Variants in ELAPOR2 observed in about 807,000 individuals in gnomAD.
The protein encoded by ELAPOR2 is endosome/lysosome-associated apoptosis and autophagy regulator family member 2.
Under a neutral mutation model 120.7 loss-of-function variants are expected in ELAPOR2, and 89 were observed. The observed-to-expected ratio is 0.74, with a 90% CI of 0.62 to 0.88. The LOEUF is 0.88. Ranked by LOEUF, ELAPOR2 falls within the 40% of genes least tolerant of loss-of-function variation. The pLI is 0.00. For synonymous variants in ELAPOR2, 444 were observed against 444.9 expected, an observed-to-expected ratio of 1.00 and a Z score of 0.03; for missense variants, 1,134 against 1,251.6, an observed-to-expected ratio of 0.91 and a Z score of 1.42.
chr7:87,016,327 G>C (rs1407752434), intron 1 of ELAPOR2, among the ~76,000 whole-genome samples: 1 of 151,996 alleles, frequency 6.6e-6, no homozygotes, highest in East Asian at 1.9e-4. Context: ...GGTAGAAATA[G>C]GGATGGACAA....
intron 1 of ELAPOR2, among the ~76,000 whole-genome samples, chr7:86,966,949 C>G (rs1791928648): frequency 6.6e-6 from 1 of 152,096 alleles, no homozygotes; most frequent in Admixed American, 6.6e-5. Context: ...CTCACTTTCT[C>G]AAGATTCTCA....
intron 1 of ELAPOR2, among the ~76,000 whole-genome samples, chr7:87,040,043 G>A (rs555682074): frequency 3.9e-5 from 6 of 152,258 alleles, no homozygotes; most frequent in South Asian, 4.1e-4. Context: ...ACTCCCACTC[G>A]AATACTGCGC....
rs539253413 is a variant in ELAPOR2, at chr7:86,982,652, G to C, written c.190-17628C>G. Reference sequence around the variant, plus strand: ...GGAATAGCATCAACATCAACAAAAAGGACATCCACACCAAAACCCCATCTG... The same window carrying C: ...GGAATAGCATCAACATCAACAAAAACGACATCCACACCAAAACCCCATCTG... On this transcript the variant is annotated intron_variant, in intron 1 of 21. Transcript: ENST00000450689. 2.0e-5 allele frequency among the ~76,000 whole-genome samples: 3 copies of C among 152,246 alleles called. No individual in the cohort carries two copies. The East Asian group carries it at 5.8e-4, about 29-fold the overall frequency.
intron 2 of ELAPOR2, among the ~76,000 whole-genome samples, chr7:86,949,646 G>A (rs1392241728): frequency 6.6e-6 from 1 of 152,174 alleles, no homozygotes; most frequent in African/African-American, 2.4e-5. Context: ...GGAGACGTCT[G>A]CTCCCCCTGC....
At chr7:87,044,588 C>T (rs1328583557) in intron 1 of ELAPOR2, among the ~76,000 whole-genome samples, 2 of 151,010 alleles carry the variant, frequency 1.3e-5, no homozygotes, top group African/African-American at 2.5e-5. Flanking sequence ...CTTCCTTACA[C>T]CTTATACAAA....
At chr7:87,050,125 C>T (rs1795059194) in intron 1 of ELAPOR2, among the ~76,000 whole-genome samples, 1 of 152,152 alleles carries the variant, frequency 6.6e-6, no homozygotes, top group South Asian at 2.1e-4. Flanking sequence ...CTTACCCAAT[C>T]TATGGTATTC....
chr7:87,041,919 C>G (rs184053503), intron 1 of ELAPOR2, among the ~76,000 whole-genome samples: 80 of 151,936 alleles, frequency 5.3e-4, no homozygotes, highest in Middle Eastern at 3.4e-3. Flanking sequence ...GGAGGAAGAT[C>G]TACCAAGCAA....
At chr7:87,021,371 C>T (rs2116698963) in intron 1 of ELAPOR2, among the ~76,000 whole-genome samples, 1 of 152,250 alleles carries the variant, frequency 6.6e-6, no homozygotes, top group South Asian at 2.1e-4. Context: ...CCAATGTCTT[C>T]ATAAGATGTT....
At chr7:87,034,663 T>C (rs1481125842) in intron 1 of ELAPOR2, among the ~76,000 whole-genome samples, 1 of 152,092 alleles carries the variant, frequency 6.6e-6, no homozygotes, top group Non-Finnish European at 1.5e-5. Flanking sequence ...CAAGTAGAAG[T>C]CTGCATTACA....
intron 1 of ELAPOR2, among the ~76,000 whole-genome samples, chr7:86,973,577 CA>C (rs1376664217): frequency 6.6e-6 from 1 of 152,132 alleles, no homozygotes; most frequent in East Asian, 1.9e-4. Flanking sequence ...GCTTCACATA[CA>C]AAAGGCAACC....
At chr7:86,885,026 T>C (rs1306419570) in intron 21 of ELAPOR2, among the ~76,000 whole-genome samples, 3 of 152,112 alleles carry the variant, frequency 2.0e-5, no homozygotes, top group Non-Finnish European at 4.4e-5. Flanking sequence ...TTGTCGCAGA[T>C]TGGGTTTACA....
chr7:86,895,899 G>C (rs951618509), intron 19 of ELAPOR2, among the ~76,000 whole-genome samples: 1 of 152,072 alleles, frequency 6.6e-6, no homozygotes. Flanking sequence ...AGGTAAAGAA[G>C]AATTTCTATT....
At chr7:86,925,794 C>A in intron 9 of ELAPOR2, 138 bp from the exon 10 acceptor site, 1 of 747,364 alleles carries the variant, frequency 1.3e-6, no homozygotes, top group Non-Finnish European at 2.2e-6. Flanking sequence ...CCAGTTCCCT[C>A]AGGATGTACT....
chr7:86,954,459 T>C (rs548728971), intron 2 of ELAPOR2, among the ~76,000 whole-genome samples: 47 of 152,292 alleles, frequency 3.1e-4, no homozygotes, highest in African/African-American at 9.4e-4. Context: ...TTGCTCTTTT[T>C]AATCAAAGTT....
chr7:87,024,713 A>G (rs1794186817), intron 1 of ELAPOR2, among the ~76,000 whole-genome samples: 1 of 151,996 alleles, frequency 6.6e-6, no homozygotes, highest in Non-Finnish European at 1.5e-5. Flanking sequence ...TTTGGTTGGT[A>G]AGCTATAATT....
intron 1 of ELAPOR2, among the ~76,000 whole-genome samples, chr7:86,977,770 TATC>T (rs1792329618): frequency 6.6e-6 from 1 of 152,196 alleles, no homozygotes; most frequent in Non-Finnish European, 1.5e-5. Context: ...CATAAAAACC[TATC>T]ATAATATCAT....
intron 1 of ELAPOR2, among the ~76,000 whole-genome samples, chr7:86,984,074 C>T (rs1430155658): frequency 2.0e-5 from 3 of 152,050 alleles, no homozygotes; most frequent in African/African-American, 7.3e-5. Flanking sequence ...TTTAAACCAA[C>T]AAAGATCAAA....
chr7:86,923,109 A>G (rs986331109), intron 10 of ELAPOR2, among the ~76,000 whole-genome samples: 1 of 151,852 alleles, frequency 6.6e-6, no homozygotes, highest in African/African-American at 2.4e-5. Context: ...TTCATTTAGC[A>G]TGGTCTTCTG....
chr7:87,005,057 T>C (rs1340040779), intron 1 of ELAPOR2, among the ~76,000 whole-genome samples: 1 of 152,124 alleles, frequency 6.6e-6, no homozygotes, highest in Non-Finnish European at 1.5e-5. Flanking sequence ...GTGCCCATTA[T>C]GGCAAACTTT....
Sources: gnomAD v4.1 joint callset for allele counts (sites outside exome capture counted in the v4.1 genomes callset) on GRCh38, gnomAD v4.1.1 for gene constraint, MANE v1.5 for transcripts, NCBI Gene and HGNC (gene_info 2026-07-23, HGNC 2026-07-21) for gene names.